Variants in BICD1 observed in about 807,000 individuals in gnomAD.
The protein encoded by BICD1 is BICD cargo adaptor 1.
In BICD1, 35 loss-of-function variants were observed where a neutral mutation model predicts 92.5. That is an observed-to-expected ratio of 0.38 (90% CI 0.29 to 0.50). BICD1 has a LOEUF of 0.50. Ranked by LOEUF, BICD1 falls within the 20% of genes least tolerant of loss-of-function variation. BICD1 has a pLI of 0.93. For synonymous variants in BICD1, 429 were observed against 465.1 expected, an observed-to-expected ratio of 0.92 and a Z score of 1.00; for missense variants, 950 against 1,189.8, an observed-to-expected ratio of 0.80 and a Z score of 2.97.
intron 2 of BICD1, among the ~76,000 whole-genome samples, chr12:32,239,189 G>A (rs1946162422): frequency 6.8e-6 from 1 of 147,158 alleles, no homozygotes; most frequent in Non-Finnish European, 1.5e-5. Context: ...GGAGGTTGCA[G>A]TGAGTCAAGA....
At chr12:32,312,776 T>C (rs1948412092) in intron 4 of BICD1, among the ~76,000 whole-genome samples, 1 of 152,212 alleles carries the variant, frequency 6.6e-6, no homozygotes, top group Non-Finnish European at 1.5e-5. Flanking sequence ...TCTATAAACT[T>C]GACAATAGTC....
At chr12:32,269,399 G>A (rs1398690879) in intron 2 of BICD1, among the ~76,000 whole-genome samples, 1 of 152,122 alleles carries the variant, frequency 6.6e-6, no homozygotes, top group Non-Finnish European at 1.5e-5. Context: ...AAAACTTAGA[G>A]CATATTCTTC....
chr12:32,359,286 TC>T (rs1485904960), intron 8 of BICD1, among the ~76,000 whole-genome samples: 2 of 152,298 alleles, frequency 1.3e-5, no homozygotes, highest in Admixed American at 1.3e-4. Context: ...CATTTTCTGT[TC>T]CTTATAACAG....
intron 4 of BICD1, among the ~76,000 whole-genome samples, chr12:32,326,386 A>C (rs1259129815): frequency 2.0e-5 from 3 of 152,148 alleles, no homozygotes; most frequent in African/African-American, 7.2e-5. Context: ...TCCACATTGC[A>C]ATTTCTTATA....
At chr12:32,352,636 CA>C (rs1432423623) in intron 8 of BICD1, 1 of 152,178 alleles carries the variant, frequency 6.6e-6, no homozygotes, top group African/African-American at 2.4e-5. Flanking sequence ...CCCAGTTCTT[CA>C]TTGCACTTCA....
chr12:32,181,212 G>T (rs1246113014), intron 1 of BICD1, among the ~76,000 whole-genome samples: 1 of 151,666 alleles, frequency 6.6e-6, no homozygotes, highest in Admixed American at 6.6e-5. Flanking sequence ...TTGAGGTCAG[G>T]AGTTCGAGAC....
At chr12:32,363,730 G>C (rs1363717952) in intron 8 of BICD1, among the ~76,000 whole-genome samples, 2 of 152,058 alleles carry the variant, frequency 1.3e-5, no homozygotes, top group Non-Finnish European at 2.9e-5. Flanking sequence ...CCGCTGTGAG[G>C]TCCTGTAACA....
chr12:32,281,001 G>T (rs1151039), intron 2 of BICD1, among the ~76,000 whole-genome samples: 80,427 of 151,956 alleles, frequency 0.53, 22,588 homozygotes, highest in South Asian at 0.7. Context: ...CATATTAAAG[G>T]TTCTGAGAAA....
intron 8 of BICD1, among the ~76,000 whole-genome samples, chr12:32,343,923 C>T (rs185659857): frequency 4.5e-4 from 68 of 152,294 alleles, no homozygotes; most frequent in Admixed American, 7.8e-4. Flanking sequence ...GTTTGTTTCA[C>T]GTATTGCAAA....
chr12:32,179,221 A>G (rs1944204225), intron 1 of BICD1, among the ~76,000 whole-genome samples: 1 of 151,988 alleles, frequency 6.6e-6, no homozygotes. Context: ...CTGCCTGTGC[A>G]TCTGAAGAAA....
At chr12:32,193,442 A>G (rs1269480552) in intron 1 of BICD1, among the ~76,000 whole-genome samples, 1 of 152,230 alleles carries the variant, frequency 6.6e-6, no homozygotes, top group Non-Finnish European at 1.5e-5. Context: ...TGGGAAACCA[A>G]AAAATGGATG....
intron 4 of BICD1, among the ~76,000 whole-genome samples, chr12:32,321,090 C>T (rs1454781558): frequency 2.0e-5 from 3 of 152,086 alleles, no homozygotes; most frequent in African/African-American, 7.2e-5. Context: ...CTTTGGGAGG[C>T]CAAGGTGGGC....
intron 8 of BICD1, chr12:32,339,286 G>A: frequency 9.5e-7 from 1 of 1,055,758 alleles, no homozygotes; most frequent in Non-Finnish European, 1.1e-6. Context: ...TTGCAGTTTG[G>A]TAGCTCATGG....
At chr12:32,109,260 A>T (rs1018582519) in intron 1 of BICD1, 1 of 152,394 alleles carries the variant, frequency 6.6e-6, no homozygotes, top group South Asian at 2.1e-4. Flanking sequence ...AAAAGCTAGC[A>T]CACAGTGGGC....
intron 2 of BICD1, among the ~76,000 whole-genome samples, chr12:32,270,659 C>A (rs1001216613): frequency 1.3e-5 from 2 of 152,092 alleles, no homozygotes; most frequent in Non-Finnish European, 2.9e-5. Flanking sequence ...AGTGAAACAC[C>A]ACCCATACAC....
chr12:32,240,436 A>G (rs1946204577), intron 2 of BICD1, among the ~76,000 whole-genome samples: 1 of 152,088 alleles, frequency 6.6e-6, no homozygotes, highest in Non-Finnish European at 1.5e-5. Context: ...CTGTGTGTTC[A>G]CTGACTCATG....
intron 1 of BICD1, among the ~76,000 whole-genome samples, chr12:32,182,089 A>G (rs1452113462): frequency 6.6e-6 from 1 of 151,928 alleles, no homozygotes; most frequent in African/African-American, 2.4e-5. Context: ...CATTGCAAAT[A>G]AAGCAGAATT....
At chr12:32,327,393 G>C in intron 4 of BICD1, 68 bp from the exon 5 acceptor site, 1 of 1,518,378 alleles carries the variant, frequency 6.6e-7, no homozygotes, top group South Asian at 1.3e-5. Flanking sequence ...ATGCCCGACT[G>C]TGAATGGATT....
intron 2 of BICD1, among the ~76,000 whole-genome samples, chr12:32,275,826 C>T (rs1947259679): frequency 6.6e-6 from 1 of 152,188 alleles, no homozygotes. Flanking sequence ...CTGGGTTCGT[C>T]CTAATCGAGC....
Sources: gnomAD v4.1 joint callset for allele counts (sites outside exome capture counted in the v4.1 genomes callset) on GRCh38, gnomAD v4.1.1 for gene constraint, MANE v1.5 for transcripts, NCBI Gene and HGNC (gene_info 2026-07-23, HGNC 2026-07-21) for gene names.